The following PLXNA4 variants were observed in gnomAD, a reference collection of about 807,000 sequenced individuals.
PLXNA4 encodes the protein plexin A4, also known as plexin-A4.
A neutral mutation model predicts 191.8 loss-of-function variants in PLXNA4; 44 were observed. The observed-to-expected ratio is 0.23, with a 90% confidence interval of 0.18 to 0.29. The LOEUF (loss-of-function observed/expected upper bound fraction) is 0.29. Among genes scored for constraint, PLXNA4 ranks in the 10% least tolerant of loss-of-function variants. The probability of loss-of-function intolerance (pLI) is 1.00; values close to 1 mark genes in which losing one functional copy is unlikely to be tolerated. For missense variants in PLXNA4, 1,800 were observed against 2,488.8 expected (o/e 0.72, Z 5.89); for synonymous variants, 1,082 against 1,009.5 (o/e 1.07, Z -1.36).
At chr7:132,368,145 T>C (rs1011006760) in intron 3 of PLXNA4, among the ~76,000 whole-genome samples, 4 of 151,920 alleles carry the variant, frequency 2.6e-5, no homozygotes, top group South Asian at 2.1e-4. Flanking sequence ...AGGGTGTTGA[T>C]TGGGGCCAAT....
intron 3 of PLXNA4, among the ~76,000 whole-genome samples, chr7:132,412,326 A>G (rs1475334406): frequency 6.6e-6 from 1 of 152,244 alleles, no homozygotes; most frequent in Non-Finnish European, 1.5e-5. Context: ...TGGTATGCCT[A>G]CTATGCTCCA....
chr7:132,168,636 G>A lies in PLXNA4; in HGVS notation c.4018-64C>T, dbSNP rs879098397. 181 of 1,509,882 alleles carry A rather than the reference G, an allele frequency of 1.2e-4. 1 individual carries two copies. Among genetic ancestry groups the A allele is most frequent in the South Asian group, 9.1e-4 (69 of 75,816 alleles). 93.5% of individuals were successfully genotyped at this position (1,509,882 alleles called of 1,614,324 possible). On this transcript the variant is annotated intron_variant, in intron 21 of 31. Transcript: ENST00000321063. Reference sequence around the variant, plus strand: ...TTGGGGAGCTCAGTGACCTCCCCACGGGATGGCTGTGCCCATATCCATGAC... The same window carrying A: ...TTGGGGAGCTCAGTGACCTCCCCACAGGATGGCTGTGCCCATATCCATGAC...
At chr7:132,133,342 C>T (rs967111904) in intron 30 of PLXNA4, 143 bp from the exon 31 acceptor site, 6 of 1,377,704 alleles carry the variant, frequency 4.4e-6, no homozygotes, top group Non-Finnish European at 2.9e-6. Flanking sequence ...CACCTGGGGA[C>T]CACTGTGGTC....
intron 10 of PLXNA4, among the ~76,000 whole-genome samples, chr7:132,206,870 G>A (rs1435552934): frequency 6.6e-6 from 1 of 152,136 alleles, no homozygotes; most frequent in East Asian, 1.9e-4. Context: ...TCTGCACAAA[G>A]CTCAGAGCCC....
At chr7:132,309,737 C>A (rs1279064066) in intron 3 of PLXNA4, among the ~76,000 whole-genome samples, 2 of 152,054 alleles carry the variant, frequency 1.3e-5, no homozygotes, top group Non-Finnish European at 2.9e-5. Flanking sequence ...AGCTGGAGGC[C>A]CAAAGAAAAC....
At chr7:132,433,763 C>G (rs1204675224) in intron 3 of PLXNA4, among the ~76,000 whole-genome samples, 3 of 152,184 alleles carry the variant, frequency 2.0e-5, no homozygotes, top group South Asian at 4.1e-4. Flanking sequence ...TAAAAGGACT[C>G]AGGTCAGCCC....
At chr7:132,254,363 A>C (rs1799359064) in intron 4 of PLXNA4, among the ~76,000 whole-genome samples, 2 of 152,344 alleles carry the variant, frequency 1.3e-5, no homozygotes, top group African/African-American at 4.8e-5. Context: ...TCTATCTATC[A>C]TTAACATAAA....
At chr7:132,535,630 T>G (rs762396715) in intron 1 of PLXNA4, among the ~76,000 whole-genome samples, 8 of 152,110 alleles carry the variant, frequency 5.3e-5, no homozygotes, top group Admixed American at 1.3e-4. Context: ...GTCCCACCAA[T>G]TCACTAAGAA....
intron 21 of PLXNA4, among the ~76,000 whole-genome samples, chr7:132,171,429 G>A (rs943111006): frequency 1.3e-5 from 2 of 152,260 alleles, no homozygotes; most frequent in African/African-American, 2.4e-5. Context: ...CCTACCCCTG[G>A]GCTTGAGAGT....
chr7:132,452,327 G>A (rs775690376), intron 3 of PLXNA4, among the ~76,000 whole-genome samples: 2 of 152,166 alleles, frequency 1.3e-5, no homozygotes, highest in Admixed American at 6.5e-5. Context: ...CCACATTAGC[G>A]TCCCACCCAT....
At chr7:132,246,990 T>C (rs1799081393) in intron 4 of PLXNA4, among the ~76,000 whole-genome samples, 1 of 152,158 alleles carries the variant, frequency 6.6e-6, no homozygotes. Flanking sequence ...GCTGAGCCCA[T>C]TGCTTGGGGA....
At chr7:132,486,462 C>G (rs1392742512) in intron 3 of PLXNA4, among the ~76,000 whole-genome samples, 2 of 152,220 alleles carry the variant, frequency 1.3e-5, no homozygotes, top group Non-Finnish European at 2.9e-5. Flanking sequence ...TTTCCCAACT[C>G]AGACTGTTCC....
At chr7:132,606,241 A>G (rs1169910015) in intron 2 of PLXNA4, among the ~76,000 whole-genome samples, 1 of 152,216 alleles carries the variant, frequency 6.6e-6, no homozygotes, top group Non-Finnish European at 1.5e-5. Flanking sequence ...TTCTCCTGAG[A>G]GTTCCATAGG....
At chr7:132,215,600 G>T (rs528953706) in intron 9 of PLXNA4, among the ~76,000 whole-genome samples, 3 of 151,924 alleles carry the variant, frequency 2.0e-5, no homozygotes, top group Non-Finnish European at 4.4e-5. Context: ...TGTTGCCAGA[G>T]GATCCACACA....
chr7:132,433,623 T>A (rs1471597963), intron 3 of PLXNA4, among the ~76,000 whole-genome samples: 5 of 152,178 alleles, frequency 3.3e-5, no homozygotes, highest in Non-Finnish European at 5.9e-5. Flanking sequence ...GAGAACCAGC[T>A]GGACACCATC....
intron 2 of PLXNA4, among the ~76,000 whole-genome samples, chr7:132,588,573 A>G (rs1444347270): frequency 6.6e-6 from 1 of 150,562 alleles, no homozygotes; most frequent in Non-Finnish European, 1.5e-5. Context: ...TCCCTCCCTA[A>G]TTCTTCATGC....
intron 25 of PLXNA4, among the ~76,000 whole-genome samples, chr7:132,150,909 C>T (rs1450743145): frequency 6.6e-6 from 1 of 152,200 alleles, no homozygotes; most frequent in Non-Finnish European, 1.5e-5. Context: ...ACAACCCTGG[C>T]TGAGTCATGC....
chr7:132,550,902 C>T (rs1426496), intron 1 of PLXNA4, among the ~76,000 whole-genome samples: 134,028 of 152,120 alleles, frequency 0.88, 60,365 homozygotes, highest in East Asian at 1. Context: ...CCCATAGACA[C>T]TTCAAACCCA....
At position 132,354,047 on chromosome 7, in the gene PLXNA4, T is replaced by A. The variant is rs945086354; in HGVS notation, c.1372-55825A>T. On this transcript the variant is annotated intron_variant, in intron 3 of 31. Transcript: ENST00000321063. The stretch of plus-strand genomic sequence containing the variant: ...TGACCCCCAGAGAGTTCCACATCAG[T>A]AAGAGTGGGACCTCCTGGAATGTTC... Among the ~76,000 whole-genome samples the A allele has an allele frequency of 3.3e-5, 5 of 152,174 alleles. No individual in the cohort carries two copies. The South Asian group carries it at 6.2e-4, about 19-fold the overall frequency.
Sources: allele counts gnomAD v4.1 joint callset (sites outside exome capture counted in the v4.1 genomes callset), GRCh38; gene constraint gnomAD v4.1.1; transcripts MANE v1.5; gene names NCBI Gene and HGNC (gene_info 2026-07-23, HGNC 2026-07-21).